RNASE8: variants seen among roughly 807,000 people sequenced by gnomAD.
RNASE8 encodes the protein ribonuclease 8.
For synonymous variants in RNASE8, 68 were observed against 74.1 expected (o/e 0.92, Z 0.42); for missense variants, 179 against 187.9 (o/e 0.95, Z 0.28).
At position 21,058,362 on chromosome 14, in the gene RNASE8, T is replaced by C. The variant is rs778041469; in HGVS notation, c.*5T>C. 2.5e-5 allele frequency: 40 copies of C among 1,587,634 alleles called. No homozygotes were observed. The highest frequency in any genetic ancestry group is 3.4e-5 in the Admixed American group (2 of 58,842). On this transcript the variant is annotated 3_prime_UTR_variant, in exon 1 of 1. Transcript: ENST00000308227. ...CACTTGGATAAAGTTGTCTAAGCCC[T>C]GGTGCCCACGTTCCACCTCACACTC...
Position 21,057,854 on chromosome 14 carries a change from C to G in RNASE8, c.-39C>G. ...CCCCCATGATGACCTATTCATCCAC[C>G]TACCTCCTCACTCTGTTCCACTGTC... is the stretch of plus-strand genomic sequence containing the variant. On this transcript the variant is annotated 5_prime_UTR_variant, in exon 1 of 1. Coordinates refer to ENST00000308227, the MANE Select transcript of RNASE8 (RefSeq NM_138331.2). The G allele has an allele frequency of 6.4e-7, 1 of 1,568,544 alleles. No individual in the cohort carries two copies. The highest frequency in any genetic ancestry group is 8.7e-7 in the Non-Finnish European group (1 of 1,145,602).
rs1885783457 is a variant in RNASE8 at position 21,058,415 on chromosome 14, C to T, written c.*58C>T. On this transcript the variant is annotated 3_prime_UTR_variant, in exon 1 of 1. Transcript: ENST00000308227. ...CAGACTGTATGCTGCTGCTTTTCCT[C>T]CCTCCAGTTCGTTATTAATCCTTGC... The T allele has an allele frequency of 1.6e-6, 2 of 1,263,858 alleles. No individual in the cohort carries two copies. Among genetic ancestry groups the T allele is most frequent in the East Asian group, 4.7e-5 (2 of 42,854 alleles). The allele number at this position is 1,263,858 out of a possible 1,614,324, so 78.3% of individuals were successfully genotyped here.
At position 21,058,375 on chromosome 14, in the gene RNASE8, C is replaced by T. The variant is rs1885781514; in HGVS notation, c.*18C>T. 3 of 1,529,522 alleles carry T rather than the reference C, an allele frequency of 2.0e-6. No individual in the cohort carries two copies. Among genetic ancestry groups the T allele is most frequent in the East Asian group, 2.2e-5 (1 of 44,462 alleles). The allele number at this position is 1,529,522 out of a possible 1,614,324, so 94.7% of individuals were successfully genotyped here. A position where few individuals can be genotyped will look rare whatever the true frequency, so the allele number is the denominator to read the frequency against. On this transcript the variant is annotated 3_prime_UTR_variant, in exon 1 of 1. Transcript: ENST00000308227. ...TTGTCTAAGCCCTGGTGCCCACGTT[C>T]CACCTCACACTCTGCAGACTGTATG...
Position 21,058,096 on chromosome 14 carries a change from C to T in RNASE8, c.204C>T (p.Asn68=), listed in dbSNP as rs1050712284. The T allele has an allele frequency of 1.9e-6, 3 of 1,614,084 alleles. No individual in the cohort carries two copies. In the African/African-American group the frequency reaches 4.0e-5, roughly 22 times the overall value. ...NKYTERCKDL[N]TFLHEPFSSV... ...ACACAGAACGGTGCAAAGACCTCAA[C>T]ACCTTCCTGCACGAGCCCTTCTCCA... is the stretch of plus-strand genomic sequence containing the variant. Residue 68 remains asparagine (N), a synonymous_variant, in exon 1 of 1, where the codon AAC becomes AAT. Transcript: ENST00000308227.
rs768863829 is a variant in RNASE8 at position 21,057,992 on chromosome 14, T to A, written c.100T>A (p.Ser34Thr). ...CAGAGCCAAGCCCAAGGACATGACA[T>A]CATCTCAGTGGTTTAAAACTCAGCA... ...LVRAKPKDMT[S>T]SQWFKTQHVQ... The change falls in exon 1 of 1, where the codon TCA (serine) becomes ACA (threonine). Residue 34 changes from serine to threonine, a missense_variant. Coordinates refer to ENST00000308227, the MANE Select transcript of RNASE8 (RefSeq NM_138331.2). The A allele has an allele frequency of 1.2e-5, 19 of 1,613,978 alleles. No individual in the cohort carries two copies. The highest frequency in any genetic ancestry group is 1.5e-5 in the Non-Finnish European group (18 of 1,180,000).
chr14:21,058,108 C>T lies in RNASE8; in HGVS notation c.216C>T (p.His72=), dbSNP rs770559955. Residue 72 remains histidine (H), a synonymous_variant, in exon 1 of 1, where the codon CAC becomes CAT. Transcript: ENST00000308227. ...ERCKDLNTFL[H]EPFSSVAITC... ...GCAAAGACCTCAACACCTTCCTGCA[C>T]GAGCCCTTCTCCAGTGTGGCCATCA... 3 of 1,614,190 alleles carry T rather than the reference C, an allele frequency of 1.9e-6. No homozygotes were observed. Among genetic ancestry groups the T allele is most frequent in the Non-Finnish European group, 1.7e-6 (2 of 1,180,038 alleles).
In RNASE8 at chr14:21,058,025, C is replaced by T; in HGVS notation, c.133C>T (p.Pro45Ser). The change falls in exon 1 of 1, where the codon CCC (proline) becomes TCC (serine). Residue 45 changes from proline (P) to serine (S), a missense_variant. Coordinates refer to ENST00000308227, the MANE Select transcript of RNASE8 (RefSeq NM_138331.2). ...GTGGTTTAAAACTCAGCATGTGCAG[C>T]CCAGCCCTCAAGCATGCAACTCAGC... ...SQWFKTQHVQ[P>S]SPQACNSAMS... 5 of 1,614,096 alleles carry T rather than the reference C, an allele frequency of 3.1e-6. No homozygotes were observed. The highest frequency in any genetic ancestry group is 4.2e-6 in the Non-Finnish European group (5 of 1,180,006).
chr14:21,057,835 T>G lies in RNASE8; in HGVS notation c.-58T>G, dbSNP rs1479571556. 6.8e-7 allele frequency: 1 copy of G among 1,460,088 alleles called. No individual in the cohort carries two copies. Among genetic ancestry groups the G allele is most frequent in the African/African-American group, 1.4e-5 (1 of 72,156 alleles). The allele number at this position is 1,460,088 out of a possible 1,614,324, so 90.4% of individuals were successfully genotyped here. ...TAGAAGGACTAACAAGACTCCCCCATGATGACCTATTCATCCACCTACCTC... is the reference window on the plus strand; with the variant it reads ...TAGAAGGACTAACAAGACTCCCCCAGGATGACCTATTCATCCACCTACCTC... On this transcript the variant is annotated 5_prime_UTR_variant, in exon 1 of 1. It removes an upstream start codon present in the reference 5' UTR. Transcript: ENST00000308227.
chr14:21,058,342 G>A lies in RNASE8; in HGVS notation c.450G>A (p.Leu150=). Residue 150 remains leucine (L), a synonymous_variant, in exon 1 of 1, where the codon TTG becomes TTA. Transcript: ENST00000308227. ...DPGYPLVPVH[L]DKVV ...GGTACCCACTTGTTCCTGTGCACTT[G>A]GATAAAGTTGTCTAAGCCCTGGTGC... 6.2e-7 allele frequency: 1 copy of A among 1,608,222 alleles called. No homozygotes were observed. The highest frequency in any genetic ancestry group is 8.5e-7 in the Non-Finnish European group (1 of 1,176,828).
Position 21,058,412 on chromosome 14 carries a change from C to A in RNASE8, c.*55C>A. 7.7e-7 allele frequency: 1 copy of A among 1,298,962 alleles called. No individual in the cohort carries two copies. Among genetic ancestry groups the A allele is most frequent in the Non-Finnish European group, 1.1e-6 (1 of 928,276 alleles). 80.5% of individuals were successfully genotyped at this position (1,298,962 alleles called of 1,614,324 possible). A position where few individuals can be genotyped will look rare whatever the true frequency, so the allele number is the denominator to read the frequency against. ...CTGCAGACTGTATGCTGCTGCTTTT[C>A]CTCCCTCCAGTTCGTTATTAATCCT... is the stretch of plus-strand genomic sequence containing the variant. On this transcript the variant is annotated 3_prime_UTR_variant, in exon 1 of 1. Transcript: ENST00000308227.
rs746468495 is a variant in RNASE8, at chr14:21,058,378, C to T, written c.*21C>T. ...TCTAAGCCCTGGTGCCCACGTTCCA[C>T]CTCACACTCTGCAGACTGTATGCTG... On this transcript the variant is annotated 3_prime_UTR_variant, in exon 1 of 1. Transcript: ENST00000308227. The T allele has an allele frequency of 4.6e-6, 7 of 1,524,778 alleles. No individual in the cohort carries two copies. Among genetic ancestry groups the T allele is most frequent in the Admixed American group, 3.5e-5 (2 of 57,620 alleles). 94.5% of individuals were successfully genotyped at this position (1,524,778 alleles called of 1,614,324 possible).
Sources: allele counts gnomAD v4.1 joint callset, GRCh38; gene constraint gnomAD v4.1.1; transcripts MANE v1.5; gene names NCBI Gene and HGNC (gene_info 2026-07-23, HGNC 2026-07-21).